ASB7: variants seen among roughly 807,000 people sequenced by gnomAD.
ASB7 encodes ankyrin repeat and SOCS box containing 7, also known as ankyrin repeat and SOCS box protein 7.
In ASB7, 4 loss-of-function variants were observed where a neutral mutation model predicts 32.5. That is an observed-to-expected ratio of 0.12 (90% CI 0.06 to 0.28). The LOEUF (loss-of-function observed/expected upper bound fraction) is 0.28, where lower values mean the gene tolerates loss of function less well. Among genes scored for constraint, ASB7 ranks in the 10% least tolerant of loss-of-function variants. The probability of loss-of-function intolerance (pLI) is 1.00; values close to 1 mark genes in which losing one functional copy is unlikely to be tolerated. For synonymous variants in ASB7, 172 were observed against 155.6 expected (o/e 1.11, Z -0.78); for missense variants, 181 against 407.1 (o/e 0.44, Z 4.78).
chr15:100,630,629 G>C (rs968141284), intron 5 of ASB7, among the ~76,000 whole-genome samples: 3 of 152,198 alleles, frequency 2.0e-5, no homozygotes, highest in African/African-American at 7.2e-5. Context: ...TGGCACCACT[G>C]TCCCTGGACC....
At chr15:100,645,152 T>C (rs757207989) in intron 5 of ASB7, among the ~76,000 whole-genome samples, 2 of 152,196 alleles carry the variant, frequency 1.3e-5, no homozygotes, top group Non-Finnish European at 2.9e-5. Context: ...CAAGACCCTT[T>C]TAGGGTAACT....
rs1323363209 is a variant in ASB7 at position 100,629,394 on chromosome 15, G to A, written c.212-43G>A. 2 of 1,516,960 alleles carry A rather than the reference G, an allele frequency of 1.3e-6. No homozygotes were observed. The highest frequency in any genetic ancestry group is 1.2e-5 in the South Asian group (1 of 82,036). 94.0% of individuals were successfully genotyped at this position (1,516,960 alleles called of 1,614,324 possible). On this transcript the variant is annotated intron_variant, in intron 4 of 5. Coordinates refer to ENST00000332783, the MANE Select transcript of ASB7 (RefSeq NM_198243.3). The surrounding 1 kb of genome is among the most constrained non-coding windows in gnomAD (Gnocchi z 6.8). ...GTGCCATGGTAATGTTTGTTGTTTT[G>A]TCTTGGAGTCTGCTAATACTTTCAT...
chr15:100,642,675 T>C (rs185016209), intron 5 of ASB7, among the ~76,000 whole-genome samples: 361 of 152,352 alleles, frequency 2.4e-3, no homozygotes, highest in Admixed American at 7.6e-3. Context: ...GAGACATTTG[T>C]TTTACTTCCC....
chr15:100,610,646 G>A (rs983470079), intron 3 of ASB7, among the ~76,000 whole-genome samples: 13 of 152,186 alleles, frequency 8.5e-5, no homozygotes, highest in Non-Finnish European at 1.5e-4. Context: ...AAACAACATA[G>A]GATATTTGTA....
rs1244837431 is a variant in ASB7 at position 100,603,030 on chromosome 15, A to G, written c.-289A>G. Reference sequence around the variant, plus strand: ...GGAGGCTGAAAGGAGGAAGAGAAGCAGCAGCTGAGGAGACAGGTAAAGTCC... The same window carrying G: ...GGAGGCTGAAAGGAGGAAGAGAAGCGGCAGCTGAGGAGACAGGTAAAGTCC... On this transcript the variant is annotated 5_prime_UTR_variant, in exon 1 of 6. Coordinates refer to ENST00000332783, the MANE Select transcript of ASB7 (RefSeq NM_198243.3). 8 of 399,220 alleles carry G rather than the reference A, an allele frequency of 2.0e-5. No individual in the cohort carries two copies. The highest frequency in any genetic ancestry group is 3.5e-5 in the Non-Finnish European group (8 of 226,620). The allele number at this position is 399,220 out of a possible 1,614,324, so 24.7% of individuals were successfully genotyped here. A position where few individuals can be genotyped will look rare whatever the true frequency, so the allele number is the denominator to read the frequency against.
chr15:100,609,583 C>A (rs1295372294), intron 2 of ASB7, 124 bp from the exon 3 acceptor site: 1 of 152,150 alleles, frequency 6.6e-6, no homozygotes, highest in Non-Finnish European at 1.5e-5. Flanking sequence ...TGAGTTCTTT[C>A]TCTGCTCTAT....
At chr15:100,616,304 G>T (rs1311279107) in intron 4 of ASB7, among the ~76,000 whole-genome samples, 2 of 142,306 alleles carry the variant, frequency 1.4e-5, no homozygotes, top group African/African-American at 5.2e-5. Flanking sequence ...CTCTCTTTCT[G>T]TAGTTTTTTC....
chr15:100,610,420 G>A (rs1334855434), intron 3 of ASB7, among the ~76,000 whole-genome samples: 2 of 151,968 alleles, frequency 1.3e-5, no homozygotes, highest in Admixed American at 6.6e-5. Context: ...GTGTGAACCC[G>A]GGAGGTGGAG....
intron 5 of ASB7, chr15:100,630,282 A>G: frequency 2.0e-6 from 2 of 985,960 alleles, no homozygotes; most frequent in Non-Finnish European, 2.7e-6. Context: ...GAGGGAAGGA[A>G]TGGAGAGAAG....
chr15:100,607,419 A>G (rs1011629533), intron 2 of ASB7, among the ~76,000 whole-genome samples: 7 of 152,210 alleles, frequency 4.6e-5, no homozygotes, highest in African/African-American at 1.4e-4. Context: ...CCAGGAGGAA[A>G]TTACTTGTTG....
intron 2 of ASB7, among the ~76,000 whole-genome samples, chr15:100,604,424 A>C (rs2039620861): frequency 6.6e-6 from 1 of 152,206 alleles, no homozygotes; most frequent in African/African-American, 2.4e-5. Context: ...AGTTATTTTA[A>C]TATCCCAAAT....
At chr15:100,643,120 C>T (rs908951542) in intron 5 of ASB7, among the ~76,000 whole-genome samples, 3 of 152,098 alleles carry the variant, frequency 2.0e-5, no homozygotes, top group Admixed American at 6.5e-5. Context: ...GGAGCTCAGC[C>T]AGGGTTGTCT....
intron 3 of ASB7, among the ~76,000 whole-genome samples, chr15:100,610,087 T>G (rs1279845673): frequency 6.6e-6 from 1 of 152,204 alleles, no homozygotes; most frequent in Non-Finnish European, 1.5e-5. Context: ...CTTCAGACGG[T>G]CTTCAGCATT....
chr15:100,604,997 A>C (rs2039630720), intron 2 of ASB7, among the ~76,000 whole-genome samples: 1 of 152,214 alleles, frequency 6.6e-6, no homozygotes, highest in South Asian at 2.1e-4. Context: ...ATTTCTAAAG[A>C]GTAGTTTCAC....
chr15:100,645,599 G>A, intron 5 of ASB7: 2 of 756,458 alleles, frequency 2.6e-6, no homozygotes, highest in East Asian at 2.7e-5. Flanking sequence ...TAAGGATCCT[G>A]AAATCTGCTG....
intron 4 of ASB7, among the ~76,000 whole-genome samples, chr15:100,626,163 T>G (rs547969144): frequency 6.6e-6 from 1 of 152,296 alleles, no homozygotes; most frequent in East Asian, 1.9e-4. Flanking sequence ...TTAAGAGTTT[T>G]GCTCTTCAAA....
At chr15:100,608,820 G>A (rs1233367917) in intron 2 of ASB7, among the ~76,000 whole-genome samples, 1 of 152,218 alleles carries the variant, frequency 6.6e-6, no homozygotes, top group African/African-American at 2.4e-5. Context: ...AAAGAGAGAA[G>A]TGGACTATAC....
intron 5 of ASB7, among the ~76,000 whole-genome samples, chr15:100,639,120 C>T (rs2039944268): frequency 6.6e-6 from 1 of 152,058 alleles, no homozygotes; most frequent in South Asian, 2.1e-4. Flanking sequence ...GAGGGCTGGG[C>T]TGTATTTTGA....
chr15:100,611,077 C>T (rs11631722), intron 3 of ASB7, among the ~76,000 whole-genome samples: 52,844 of 152,098 alleles, frequency 0.35, 9,689 homozygotes, highest in East Asian at 0.63. Flanking sequence ...CAGGGTCTTG[C>T]TCTGTATCCC....
Sources: gnomAD v4.1 joint callset for allele counts (sites outside exome capture counted in the v4.1 genomes callset) on GRCh38, gnomAD v4.1.1 for gene constraint, Gnocchi (gnomAD v3.1) non-coding constraint, MANE v1.5 for transcripts, NCBI Gene and HGNC (gene_info 2026-07-23, HGNC 2026-07-21) for gene names.